The following PIEZO2 variants were observed in gnomAD, a reference collection of about 807,000 sequenced individuals.
PIEZO2 encodes piezo type mechanosensitive ion channel component 2, also known as piezo-type mechanosensitive ion channel component 2.
A neutral mutation model predicts 337.3 loss-of-function variants in PIEZO2; 172 were observed. The observed-to-expected ratio is 0.51, with a 90% CI of 0.45 to 0.58. The LOEUF is 0.58. PIEZO2 is among the 20% of genes least tolerant of loss of function. The pLI is 0.00. For synonymous variants in PIEZO2, 1,251 were observed against 1,228.5 expected, an observed-to-expected ratio of 1.02 and a Z score of -0.38; for missense variants, 3,028 against 3,391.3, an observed-to-expected ratio of 0.89 and a Z score of 2.66.
intron 49 of PIEZO2, among the ~76,000 whole-genome samples, chr18:10,684,976 C>T (rs1297966456): frequency 6.6e-6 from 1 of 152,156 alleles, no homozygotes; most frequent in Non-Finnish European, 1.5e-5. Flanking sequence ...CCTCACTGTG[C>T]TTCCTGCTTG....
chr18:10,835,787 G>A (rs535478546), intron 7 of PIEZO2, among the ~76,000 whole-genome samples: 6 of 152,276 alleles, frequency 3.9e-5, no homozygotes, highest in South Asian at 2.1e-4. Flanking sequence ...CAGATGATCC[G>A]CCCACCTTGG....
At chr18:10,695,863 T>C (rs2035057189) in intron 47 of PIEZO2, among the ~76,000 whole-genome samples, 1 of 152,200 alleles carries the variant, frequency 6.6e-6, no homozygotes, top group South Asian at 2.1e-4. Flanking sequence ...ATGTAGATAA[T>C]ATGTAATTAA....
At chr18:10,898,681 G>T (rs1218531856) in intron 4 of PIEZO2, among the ~76,000 whole-genome samples, 1 of 152,096 alleles carries the variant, frequency 6.6e-6, no homozygotes, top group African/African-American at 2.4e-5. Flanking sequence ...TTGGAATGAG[G>T]CTTAAGATCA....
At chr18:11,024,672 C>T (rs2036465897) in intron 2 of PIEZO2, among the ~76,000 whole-genome samples, 1 of 151,798 alleles carries the variant, frequency 6.6e-6, no homozygotes, top group African/African-American at 2.4e-5. Flanking sequence ...CGGAGTTTCA[C>T]TCTTGTCACC....
intron 7 of PIEZO2, among the ~76,000 whole-genome samples, chr18:10,842,268 T>G (rs1435876643): frequency 2.0e-5 from 3 of 152,226 alleles, no homozygotes; most frequent in Admixed American, 2.0e-4. Context: ...TACATGAATG[T>G]ACATTTATCT....
chr18:10,826,560 C>T (rs2040683514), intron 7 of PIEZO2, among the ~76,000 whole-genome samples: 1 of 152,198 alleles, frequency 6.6e-6, no homozygotes, highest in Admixed American at 6.5e-5. Context: ...CTTTTGTCTT[C>T]AGTCATACAA....
chr18:10,687,678 T>G (rs676878), intron 49 of PIEZO2, among the ~76,000 whole-genome samples: 67,014 of 152,006 alleles, frequency 0.44, 15,653 homozygotes, highest in East Asian at 0.72. Flanking sequence ...GTGGTGGAAC[T>G]CTGAGCCTAG....
In PIEZO2 at chr18:10,825,546, C is replaced by T. The variant is rs1431659616; in HGVS notation, c.918-18272G>A. ...TTTTTTTTTCCACTTTCTTTCCTTT[C>T]TTCCTTTTTTTTTTTTTTTTTTGAG... On this transcript the variant is annotated intron_variant, in intron 7 of 55. Transcript: ENST00000674853. Among the ~76,000 whole-genome samples, 183 of 116,646 alleles carry T rather than the reference C, an allele frequency of 1.6e-3. 3 individuals are homozygous for T. The highest frequency in any genetic ancestry group is 6.2e-3 in the African/African-American group (166 of 26,864). The allele number at this position is 116,646 out of a possible 152,430, so 76.5% of individuals were successfully genotyped here. A position where few individuals can be genotyped will look rare whatever the true frequency, so the allele number is the denominator to read the frequency against.
At chr18:10,717,318 C>G (rs2036050705) in intron 37 of PIEZO2, among the ~76,000 whole-genome samples, 2 of 152,152 alleles carry the variant, frequency 1.3e-5, no homozygotes, top group African/African-American at 4.8e-5. Flanking sequence ...GTCCAATGAC[C>G]TAGAATTGGA....
intron 2 of PIEZO2, among the ~76,000 whole-genome samples, chr18:10,986,068 G>T (rs967057402): frequency 4.6e-5 from 7 of 151,920 alleles, no homozygotes; most frequent in African/African-American, 1.7e-4. Flanking sequence ...GGGTATTCTT[G>T]TATCAGACAA....
Position 11,119,651 on chromosome 18 carries a change from G to T in PIEZO2, c.64+28874C>A, listed in dbSNP as rs572946825. On this transcript the variant is annotated intron_variant, in intron 1 of 55. Coordinates refer to ENST00000674853, the MANE Select transcript of PIEZO2 (RefSeq NM_001378183.1). ...AGTAGGGACGAGGCAACAAAACTTGGTTCCAGAGTATAAATACAGCACTTG... is the reference window on the plus strand; with the variant it reads ...AGTAGGGACGAGGCAACAAAACTTGTTTCCAGAGTATAAATACAGCACTTG... 3.3e-4 allele frequency among the ~76,000 whole-genome samples: 50 copies of T among 152,244 alleles called. 1 individual carries two copies. In the South Asian group the frequency reaches 0.01, roughly 31 times the overall value.
At chr18:10,986,376 G>T (rs1046553980) in intron 2 of PIEZO2, among the ~76,000 whole-genome samples, 1 of 151,952 alleles carries the variant, frequency 6.6e-6, no homozygotes, top group African/African-American at 2.4e-5. Context: ...ACATTAAAAG[G>T]ATTATATACC....
intron 7 of PIEZO2, among the ~76,000 whole-genome samples, chr18:10,814,577 C>T (rs1598522158): frequency 6.6e-6 from 1 of 152,120 alleles, no homozygotes; most frequent in East Asian, 1.9e-4. Context: ...AACACAGAAA[C>T]CACACTCAAC....
chr18:10,867,663 G>A (rs7228093), intron 5 of PIEZO2, among the ~76,000 whole-genome samples: 72,706 of 150,812 alleles, frequency 0.48, 18,828 homozygotes, highest in African/African-American at 0.71. Context: ...CTATCTAAAA[G>A]AAAGGCCTCA....
chr18:10,671,431 T>C lies in PIEZO2; in HGVS notation c.*96A>G, dbSNP rs2033768249. ...ACCTATCAGAAGAGAAACAAACCAT[T>C]TCCGTCGAACTAGAAATGCTTAGCT... On this transcript the variant is annotated 3_prime_UTR_variant, in exon 56 of 56. Transcript: ENST00000674853. The C allele has an allele frequency of 7.6e-7, 1 of 1,324,122 alleles. No individual in the cohort carries two copies. Among genetic ancestry groups the C allele is most frequent in the South Asian group, 1.5e-5 (1 of 64,574 alleles). The allele number at this position is 1,324,122 out of a possible 1,614,324, so 82.0% of individuals were successfully genotyped here. A position where few individuals can be genotyped will look rare whatever the true frequency, so the allele number is the denominator to read the frequency against.
intron 3 of PIEZO2, among the ~76,000 whole-genome samples, chr18:10,971,536 A>G (rs1239680917): frequency 6.6e-6 from 1 of 152,096 alleles, no homozygotes; most frequent in East Asian, 1.9e-4. Flanking sequence ...CATATCCCCA[A>G]TGATGAATGC....
rs2041514998 is a variant in PIEZO2 at position 10,850,561 on chromosome 18, G to T, written c.917+4792C>A. ...GCCTTATTCATGAGAACAAAAATGA[G>T]AAATCATCTACGTGGTTAAAACTCA... On this transcript the variant is annotated intron_variant, in intron 7 of 55. Transcript: ENST00000674853. The surrounding 1 kb of genome is among the most constrained non-coding windows in gnomAD (Gnocchi z 4.5). Among the ~76,000 whole-genome samples the T allele has an allele frequency of 1.3e-5, 2 of 152,146 alleles. No homozygotes were observed. Among genetic ancestry groups the T allele is most frequent in the Non-Finnish European group, 2.9e-5 (2 of 68,036 alleles).
rs2039518402 is a variant in PIEZO2 at position 10,794,758 on chromosome 18, T to C, written c.1758+14A>G. On this transcript the variant is annotated intron_variant, in intron 13 of 55. Transcript: ENST00000674853. The surrounding 1 kb of genome is among the most constrained non-coding windows in gnomAD (Gnocchi z 6.6). ...TGTGTCATTGTTTTGTTTTATTGTA[T>C]TCTATTCACTTACTTTGGAAGCAAG... 6.7e-7 allele frequency: 1 copy of C among 1,484,622 alleles called. No homozygotes were observed. The highest frequency in any genetic ancestry group is 1.2e-5 in the South Asian group (1 of 81,036). The allele number at this position is 1,484,622 out of a possible 1,614,324, so 92.0% of individuals were successfully genotyped here. A position where few individuals can be genotyped will look rare whatever the true frequency, so the allele number is the denominator to read the frequency against.
At chr18:11,145,894 C>T (rs961446460) in intron 1 of PIEZO2, among the ~76,000 whole-genome samples, 2 of 152,160 alleles carry the variant, frequency 1.3e-5, no homozygotes, top group African/African-American at 2.4e-5. Flanking sequence ...AGCCAGGGGC[C>T]AGTCCACCTC....
Sources: gnomAD v4.1 joint callset for allele counts (sites outside exome capture counted in the v4.1 genomes callset) on GRCh38, gnomAD v4.1.1 for gene constraint, Gnocchi (gnomAD v3.1) non-coding constraint, MANE v1.5 for transcripts, NCBI Gene and HGNC (gene_info 2026-07-23, HGNC 2026-07-21) for gene names.